Variants in SETBP1 observed in about 807,000 individuals in gnomAD.
SETBP1 encodes the protein SET-binding protein.
SETBP1 carries 9 observed loss-of-function variants against 101.0 expected under a neutral mutation model. The ratio of observed to expected loss-of-function variants is 0.09; its 90% CI spans 0.05 to 0.16. The LOEUF (loss-of-function observed/expected upper bound fraction) is 0.16, where lower values mean the gene tolerates loss of function less well. Ranked by LOEUF, SETBP1 falls within the 10% of genes least tolerant of loss-of-function variation. The pLI, the probability that SETBP1 is intolerant of heterozygous loss-of-function variation, is 1.00. For missense variants in SETBP1, 1,858 were observed against 2,033.8 expected, an observed-to-expected ratio of 0.91 and a Z score of 1.66; for synonymous variants, 818 against 788.5, an observed-to-expected ratio of 1.04 and a Z score of -0.63.
rs545852086 is a variant in SETBP1 at position 44,995,315 on chromosome 18, G to A, written c.4000+41975G>A. On this transcript the variant is annotated intron_variant, in intron 4 of 5. Coordinates refer to ENST00000649279, the MANE Select transcript of SETBP1 (RefSeq NM_015559.3). ...TGCCACCATGCCCGACTAATTTTTT[G>A]TATTTTTAGTAGAGACAGGGTTTCA... Among the ~76,000 whole-genome samples the A allele has an allele frequency of 4.0e-5, 6 of 151,864 alleles. No homozygotes were observed. The East Asian group carries it at 1.2e-3, about 29-fold the overall frequency.
chr18:44,822,879 C>T (rs1335216547), intron 2 of SETBP1, among the ~76,000 whole-genome samples: 10 of 152,160 alleles, frequency 6.6e-5, no homozygotes, highest in African/African-American at 1.9e-4. Context: ...TGGCTGGGCA[C>T]GGTGGCTCAC....
At chr18:44,944,525 C>T (rs2071158533) in intron 3 of SETBP1, among the ~76,000 whole-genome samples, 2 of 152,156 alleles carry the variant, frequency 1.3e-5, no homozygotes, top group East Asian at 3.9e-4. Context: ...ACAGTGGGCC[C>T]CAGTATCTGT....
In SETBP1 at chr18:45,064,023, C is replaced by T; in HGVS notation, c.*325C>T. On this transcript the variant is annotated 3_prime_UTR_variant, in exon 6 of 6. Coordinates refer to ENST00000649279, the MANE Select transcript of SETBP1 (RefSeq NM_015559.3). ...GTGGCACTCTCCTGACCTCACGCTG[C>T]CAAGGTGCGCCCTCGACTCCCGATT... The T allele has an allele frequency of 4.1e-6, 1 of 244,150 alleles. No individual in the cohort carries two copies. Among genetic ancestry groups the T allele is most frequent in the Non-Finnish European group, 7.9e-6 (1 of 126,362 alleles). The allele number at this position is 244,150 out of a possible 1,614,324, so 15.1% of individuals were successfully genotyped here. A position where few individuals can be genotyped will look rare whatever the true frequency, so the allele number is the denominator to read the frequency against.
At chr18:44,859,426 A>G (rs1312675935) in intron 2 of SETBP1, among the ~76,000 whole-genome samples, 1 of 152,156 alleles carries the variant, frequency 6.6e-6, no homozygotes, top group Non-Finnish European at 1.5e-5. Flanking sequence ...GCAACCTTCC[A>G]TGAAGGGATT....
At chr18:44,805,001 G>T (rs920389364) in intron 2 of SETBP1, among the ~76,000 whole-genome samples, 4 of 152,064 alleles carry the variant, frequency 2.6e-5, no homozygotes, top group Non-Finnish European at 2.9e-5. Flanking sequence ...GTAAGCCTTA[G>T]ACACAAGGCT....
intron 3 of SETBP1, among the ~76,000 whole-genome samples, chr18:44,896,348 A>G (rs2069902477): frequency 6.6e-6 from 1 of 152,126 alleles, no homozygotes; most frequent in Non-Finnish European, 1.5e-5. Context: ...AAAACATTTT[A>G]TATTTTGCGG....
chr18:44,772,531 C>T (rs1232972108), intron 2 of SETBP1, among the ~76,000 whole-genome samples: 1 of 152,074 alleles, frequency 6.6e-6, no homozygotes, highest in African/African-American at 2.4e-5. Context: ...TTCTTCAGAT[C>T]CTGGGGGTAT....
intron 3 of SETBP1, among the ~76,000 whole-genome samples, chr18:44,910,764 G>A (rs2070288619): frequency 6.6e-6 from 1 of 152,106 alleles, no homozygotes; most frequent in African/African-American, 2.4e-5. Flanking sequence ...ATTTTATGTT[G>A]TTAATAGTGG....
At chr18:44,793,964 G>A (rs974996880) in intron 2 of SETBP1, among the ~76,000 whole-genome samples, 1 of 152,184 alleles carries the variant, frequency 6.6e-6, no homozygotes, top group Non-Finnish European at 1.5e-5. Context: ...AAAAGAAATT[G>A]TTCTTTAATT....
At chr18:44,703,172 A>C (rs2069147299) in intron 2 of SETBP1, among the ~76,000 whole-genome samples, 1 of 152,050 alleles carries the variant, frequency 6.6e-6, no homozygotes, top group African/African-American at 2.4e-5. Flanking sequence ...CCTTTTGTTG[A>C]CAGAGTTTTG....
At chr18:44,937,358 G>A in intron 3 of SETBP1, among the ~76,000 whole-genome samples, 1 of 150,528 alleles carries the variant, frequency 6.6e-6, no homozygotes. Flanking sequence ...GGGAGGCTGA[G>A]GCAGGAGAAT....
Position 44,747,597 on chromosome 18 carries a change from C to T in SETBP1, c.486+45765C>T, listed in dbSNP as rs143876909. ...TGTTGTGCATGTGTGAGATTAAGTA[C>T]GCTGATGCCTCTGTCTGTTTCCTAC... On this transcript the variant is annotated intron_variant, in intron 2 of 5. Coordinates refer to ENST00000649279, the MANE Select transcript of SETBP1 (RefSeq NM_015559.3). Among the ~76,000 whole-genome samples the T allele has an allele frequency of 1.4e-3, 219 of 152,334 alleles. 1 individual carries two copies. The highest frequency in any genetic ancestry group is 2.3e-3 in the Non-Finnish European group (157 of 68,032).
Position 45,064,022 on chromosome 18 carries a change from G to A in SETBP1, c.*324G>A. ...GGTGGCACTCTCCTGACCTCACGCT[G>A]CCAAGGTGCGCCCTCGACTCCCGAT... On this transcript the variant is annotated 3_prime_UTR_variant, in exon 6 of 6. Coordinates refer to ENST00000649279, the MANE Select transcript of SETBP1 (RefSeq NM_015559.3). 1 of 244,426 alleles carries A rather than the reference G, an allele frequency of 4.1e-6. No homozygotes were observed. The highest frequency in any genetic ancestry group is 7.9e-6 in the Non-Finnish European group (1 of 126,424). The allele number at this position is 244,426 out of a possible 1,614,324, so 15.1% of individuals were successfully genotyped here. A position where few individuals can be genotyped will look rare whatever the true frequency, so the allele number is the denominator to read the frequency against.
At chr18:44,706,253 T>C (rs1352383723) in intron 2 of SETBP1, among the ~76,000 whole-genome samples, 8 of 152,032 alleles carry the variant, frequency 5.3e-5, no homozygotes, top group Non-Finnish European at 1.2e-4. Flanking sequence ...GGTGATTAGA[T>C]TAAAACAACA....
chr18:44,707,573 T>C (rs2069249310), intron 2 of SETBP1, among the ~76,000 whole-genome samples: 1 of 152,240 alleles, frequency 6.6e-6, no homozygotes, highest in South Asian at 2.1e-4. Context: ...CGTCATCATA[T>C]GCCTAGGGAA....
chr18:44,795,987 C>A (rs1262135000), intron 2 of SETBP1, among the ~76,000 whole-genome samples: 1 of 152,222 alleles, frequency 6.6e-6, no homozygotes, highest in African/African-American at 2.4e-5. Context: ...TCCTTTTCCA[C>A]TGTTAATAAA....
chr18:44,760,763 A>G (rs1280242892), intron 2 of SETBP1, among the ~76,000 whole-genome samples: 6 of 152,228 alleles, frequency 3.9e-5, no homozygotes. Flanking sequence ...AGGGAGGTGT[A>G]TATACTGTTT....
chr18:44,761,318 T>C (rs1483284221), intron 2 of SETBP1, among the ~76,000 whole-genome samples: 1 of 152,230 alleles, frequency 6.6e-6, no homozygotes, highest in African/African-American at 2.4e-5. Flanking sequence ...TACACTTCAT[T>C]GTTATTTGCT....
At chr18:44,894,773 A>G (rs2069852999) in intron 3 of SETBP1, among the ~76,000 whole-genome samples, 1 of 152,004 alleles carries the variant, frequency 6.6e-6, no homozygotes, top group African/African-American at 2.4e-5. Context: ...AGGACCACCA[A>G]GAGAATTTAA....
Sources: allele counts gnomAD v4.1 joint callset (sites outside exome capture counted in the v4.1 genomes callset), GRCh38; gene constraint gnomAD v4.1.1; transcripts MANE v1.5; gene names NCBI Gene and HGNC (gene_info 2026-07-23, HGNC 2026-07-21).